Variants in SUN2 observed in about 807,000 individuals in gnomAD.
The protein encoded by SUN2 is SUN domain-containing protein 2.
In SUN2, 60 loss-of-function variants were observed where a neutral mutation model predicts 100.0. The ratio of observed to expected loss-of-function variants is 0.60; its 90% CI spans 0.49 to 0.74. The LOEUF (loss-of-function observed/expected upper bound fraction) is 0.74. Among genes scored for constraint, SUN2 ranks in the 30% least tolerant of loss-of-function variants. SUN2 has a pLI of 0.00. For missense variants in SUN2, 834 were observed against 954.6 expected, an observed-to-expected ratio of 0.87 and a Z score of 1.66; for synonymous variants, 367 against 403.3, an observed-to-expected ratio of 0.91 and a Z score of 1.08.
chr22:38,740,637 G>T lies in SUN2; in HGVS notation c.1191-205C>A, dbSNP rs1287646589. ...GTCCCAAGGAGCTAATTCTGAGCCTGCTCCCTTTCTAAGCCCAGAGTCCAG... is the reference window on the plus strand; with the variant it reads ...GTCCCAAGGAGCTAATTCTGAGCCTTCTCCCTTTCTAAGCCCAGAGTCCAG... On this transcript the variant is annotated intron_variant, in intron 11 of 17. Transcript: ENST00000689035. This position sits in a 1 kb window ranked among gnomAD's most constrained non-coding sequence, Gnocchi z 4.8. The T allele has an allele frequency of 1.2e-5, 7 of 570,660 alleles. No individual in the cohort carries two copies. The highest frequency in any genetic ancestry group is 2.1e-5 in the Non-Finnish European group (7 of 328,990). 35.3% of individuals were successfully genotyped at this position (570,660 alleles called of 1,614,324 possible).
chr22:38,752,453 T>G, intron 2 of SUN2, 54 bp downstream of exon 2: 1 of 1,559,820 alleles, frequency 6.4e-7, no homozygotes, highest in Non-Finnish European at 8.7e-7. Flanking sequence ...GTGCGGGCAG[T>G]GACCAAAAGC....
intron 1 of SUN2, 69 bp from the exon 2 acceptor site, chr22:38,752,734 T>C (rs2092956359): frequency 6.7e-7 from 1 of 1,499,996 alleles, no homozygotes; most frequent in East Asian, 2.4e-5. Context: ...CTAGAGGAGG[T>C]GGGACAGAGG....
chr22:38,754,472 T>C (rs1257755504), intron 1 of SUN2, among the ~76,000 whole-genome samples: 1 of 152,214 alleles, frequency 6.6e-6, no homozygotes, highest in East Asian at 1.9e-4. Context: ...TGTTGGCATC[T>C]TCCCAGGTCA....
In SUN2 at chr22:38,740,315, C is replaced by A. The variant is rs537365600; in HGVS notation, c.1308G>T (p.Ala436=). 1.2e-6 allele frequency: 2 copies of A among 1,603,292 alleles called. No individual in the cohort carries two copies. Among genetic ancestry groups the A allele is most frequent in the Non-Finnish European group, 8.5e-7 (1 of 1,175,808 alleles). ...AALALKQSSV[A]EEVGLLPQQI... ...GCTGGGGCAGCAGGCCCACTTCTTC[C>A]GCCACCGAGCTCTGCTTCAGTGCCA... is the stretch of plus-strand genomic sequence containing the variant. Residue 436 remains alanine, a synonymous_variant, in exon 12 of 18, where the codon GCG becomes GCT. Transcript: ENST00000689035. The surrounding 1 kb of genome is among the most constrained non-coding windows in gnomAD (Gnocchi z 4.8).
intron 6 of SUN2, chr22:38,749,055 A>T (rs2092924604): frequency 2.3e-6 from 1 of 440,532 alleles, no homozygotes; most frequent in South Asian, 4.9e-5. Flanking sequence ...AAAAATTTTT[A>T]TATGGACAGG....
intron 8 of SUN2, chr22:38,742,828 TG>T: frequency 7.2e-6 from 3 of 417,070 alleles, no homozygotes; most frequent in Non-Finnish European, 1.3e-5. Flanking sequence ...GGAAGGAAGG[TG>T]GGCCGGGGAG....
At chr22:38,750,858 C>A in intron 4 of SUN2, 40 bp downstream of exon 4, 2 of 1,607,980 alleles carry the variant, frequency 1.2e-6, no homozygotes, top group Non-Finnish European at 8.5e-7. Flanking sequence ...GGCCTCCCAG[C>A]AGCCTCGGAT....
chr22:38,753,175 T>G (rs1279902643), intron 1 of SUN2, among the ~76,000 whole-genome samples: 1 of 150,652 alleles, frequency 6.6e-6, no homozygotes, highest in Non-Finnish European at 1.5e-5. Flanking sequence ...CGAACCTTGA[T>G]GGAAAACCTT....
rs370298150 is a variant in SUN2, at chr22:38,736,344, G to A, written c.2077C>T (p.Arg693Trp). ...TMATYQVVEL[R>W]ILTNWGHPEY... ...GGGTGGCCCCAGTTAGTCAGGATCC[G>A]CAGCTCCACCACCTGGTACGTGGCC... The change falls in exon 18 of 18, where the codon CGG becomes TGG. Residue 693 changes from arginine to tryptophan, a missense_variant. Coordinates refer to ENST00000689035, the MANE Select transcript of SUN2 (RefSeq NM_015374.3). 22 of 1,613,942 alleles carry A rather than the reference G, an allele frequency of 1.4e-5. No homozygotes were observed. The highest frequency in any genetic ancestry group is 4.5e-5 in the East Asian group (2 of 44,870).
chr22:38,742,292 A>C lies in SUN2; in HGVS notation c.1068+9T>G, dbSNP rs1603220667. 4 of 1,587,138 alleles carry C rather than the reference A, an allele frequency of 2.5e-6. No homozygotes were observed. Among genetic ancestry groups the C allele is most frequent in the Non-Finnish European group, 3.4e-6 (4 of 1,161,298 alleles). ...CCCACCTCCCACCCTGAGGTATTCC[A>C]CCTCCTACCTGGATGCGAGCAGCAG... On this transcript the variant is annotated intron_variant, in intron 9 of 17. Transcript: ENST00000689035.
intron 1 of SUN2, among the ~76,000 whole-genome samples, chr22:38,753,953 A>G (rs1039936588): frequency 3.3e-5 from 5 of 152,216 alleles, no homozygotes; most frequent in Admixed American, 3.3e-4. Flanking sequence ...AGCCTCACAC[A>G]TGCGCAAAAC....
At chr22:38,745,153 C>T (rs373781813) in intron 8 of SUN2, 37 of 471,158 alleles carry the variant, frequency 7.9e-5, no homozygotes, top group East Asian at 7.6e-4. Context: ...TGCCTGGGTG[C>T]GATGAGAAAC....
chr22:38,749,505 G>A (rs1040818359), intron 6 of SUN2, among the ~76,000 whole-genome samples: 1 of 152,232 alleles, frequency 6.6e-6, no homozygotes, highest in African/African-American at 2.4e-5. Flanking sequence ...GCGTTTAGTA[G>A]AATGTGTCCA....
At chr22:38,752,879 G>T (rs544875710) in intron 1 of SUN2, among the ~76,000 whole-genome samples, 1 of 152,206 alleles carries the variant, frequency 6.6e-6, no homozygotes, top group Non-Finnish European at 1.5e-5. Flanking sequence ...AGTCACGCCC[G>T]GCCTGGGGCT....
chr22:38,746,972 T>G (rs2092908752), intron 7 of SUN2, among the ~76,000 whole-genome samples: 1 of 150,732 alleles, frequency 6.6e-6, no homozygotes, highest in Non-Finnish European at 1.5e-5. Flanking sequence ...AGGTGGAGCT[T>G]GCAGTGAGTC....
chr22:38,739,181 T>A lies in SUN2; in HGVS notation c.1663+161A>T. Reference sequence around the variant, plus strand: ...GGATGGTACTCGGTACGTCCTGACTTCCCTGAATTGCCACTTGCCTTTGTC... The same window carrying A: ...GGATGGTACTCGGTACGTCCTGACTACCCTGAATTGCCACTTGCCTTTGTC... On this transcript the variant is annotated intron_variant, in intron 14 of 17. Transcript: ENST00000689035. This position sits in a 1 kb window ranked among gnomAD's most constrained non-coding sequence, Gnocchi z 6.7. 1 of 926,928 alleles carries A rather than the reference T, an allele frequency of 1.1e-6. No homozygotes were observed. Among genetic ancestry groups the A allele is most frequent in the East Asian group, 2.6e-5 (1 of 38,226 alleles). The allele number at this position is 926,928 out of a possible 1,614,324, so 57.4% of individuals were successfully genotyped here. A position where few individuals can be genotyped will look rare whatever the true frequency, so the allele number is the denominator to read the frequency against.
At chr22:38,746,491 C>T (rs1771129844) in intron 7 of SUN2, among the ~76,000 whole-genome samples, 1 of 152,194 alleles carries the variant, frequency 6.6e-6, no homozygotes, top group Non-Finnish European at 1.5e-5. Context: ...CCATTCGCTA[C>T]TCAAGCACCA....
At chr22:38,746,327 T>G (rs1157475179) in intron 7 of SUN2, among the ~76,000 whole-genome samples, 1 of 152,182 alleles carries the variant, frequency 6.6e-6, no homozygotes, top group Non-Finnish European at 1.5e-5. Flanking sequence ...TAAGAGAGGC[T>G]GCTCGAGGCC....
rs766868027 is a variant in SUN2, at chr22:38,740,221, AAGG to A, written c.1356+43_1356+45del. ...GCAGGCCCCAGGACACGTCGTCTCAAAGGAGGAGGAGAGGGACCAGCAGGGCCC... is the reference window on the plus strand; with the variant it reads ...GCAGGCCCCAGGACACGTCGTCTCAAAGGAGGAGAGGGACCAGCAGGGCCC... On this transcript the variant is annotated intron_variant, in intron 12 of 17. Transcript: ENST00000689035. The surrounding 1 kb of genome is among the most constrained non-coding windows in gnomAD (Gnocchi z 4.8). The A allele has an allele frequency of 8.7e-6, 13 of 1,494,710 alleles. No homozygotes were observed. The highest frequency in any genetic ancestry group is 2.4e-5 in the East Asian group (1 of 41,638). The allele number at this position is 1,494,710 out of a possible 1,614,324, so 92.6% of individuals were successfully genotyped here.
Sources: gnomAD v4.1 joint callset for allele counts (sites outside exome capture counted in the v4.1 genomes callset) on GRCh38, gnomAD v4.1.1 for gene constraint, Gnocchi (gnomAD v3.1) non-coding constraint, MANE v1.5 for transcripts, NCBI Gene and HGNC (gene_info 2026-07-23, HGNC 2026-07-21) for gene names.